The following RASGRF2 variants were observed in gnomAD, a reference collection of about 807,000 sequenced individuals.
The protein encoded by RASGRF2 is Ras protein specific guanine nucleotide releasing factor 2, also known as ras-specific guanine nucleotide-releasing factor 2.
A neutral mutation model predicts 151.0 loss-of-function variants in RASGRF2; 76 were observed. That is an observed-to-expected ratio of 0.50 (90% CI 0.42 to 0.61). The LOEUF is 0.61. Ranked by LOEUF, RASGRF2 falls within the 20% of genes least tolerant of loss-of-function variation. The pLI, the probability that RASGRF2 is intolerant of heterozygous loss-of-function variation, is 0.00. For missense variants in RASGRF2, 1,148 were observed against 1,564.6 expected (o/e 0.73, Z 4.49); for synonymous variants, 504 against 566.5 (o/e 0.89, Z 1.57).
intron 1 of RASGRF2, among the ~76,000 whole-genome samples, chr5:81,008,391 T>C (rs932876077): frequency 6.6e-6 from 1 of 152,164 alleles, no homozygotes; most frequent in Non-Finnish European, 1.5e-5. Flanking sequence ...CCTCCAGTGA[T>C]CCACCTGCTT....
intron 3 of RASGRF2, among the ~76,000 whole-genome samples, chr5:81,069,317 C>T (rs947682330): frequency 1.3e-5 from 2 of 152,182 alleles, no homozygotes; most frequent in Admixed American, 1.3e-4. Flanking sequence ...GTTAACTTCC[C>T]AATTCGACCC....
chr5:81,115,866 G>T (rs1753137022), intron 15 of RASGRF2, among the ~76,000 whole-genome samples: 1 of 152,190 alleles, frequency 6.6e-6, no homozygotes, highest in East Asian at 1.9e-4. Context: ...AACTATATGG[G>T]CAAGTGGTAT....
At chr5:81,083,976 A>G (rs916719708) in intron 7 of RASGRF2, among the ~76,000 whole-genome samples, 1 of 152,212 alleles carries the variant, frequency 6.6e-6, no homozygotes, top group Non-Finnish European at 1.5e-5. Flanking sequence ...CAGCTCTTGA[A>G]GATACAGATG....
rs1753368893 is a variant in RASGRF2 at position 81,123,553 on chromosome 5, G to C, written c.2471-89G>C. 2.1e-6 allele frequency: 3 copies of C among 1,442,820 alleles called. No homozygotes were observed. In the Admixed American group the frequency reaches 6.3e-5, roughly 30 times the overall value. 89.4% of individuals were successfully genotyped at this position (1,442,820 alleles called of 1,614,324 possible). On this transcript the variant is annotated intron_variant, in intron 15 of 26. Transcript: ENST00000265080. ...CCCTTTAATGAAATGCTTATTATCT[G>C]TAATGAACTTTTGTTTCCATGCATG...
chr5:81,001,328 G>T (rs1231387175), intron 1 of RASGRF2, among the ~76,000 whole-genome samples: 1 of 152,198 alleles, frequency 6.6e-6, no homozygotes, highest in African/African-American at 2.4e-5. Flanking sequence ...AGTTGCCTTT[G>T]TTAGGCTTCT....
At position 81,077,259 on chromosome 5, in the gene RASGRF2, C is replaced by G. The variant is rs115030031; in HGVS notation, c.888-2862C>G. 7.9e-5 allele frequency among the ~76,000 whole-genome samples: 12 copies of G among 152,236 alleles called. No individual in the cohort carries two copies. In the Middle Eastern group the frequency reaches 0.01, roughly 129 times the overall value. On this transcript the variant is annotated intron_variant, in intron 5 of 26. Transcript: ENST00000265080. ...GAAGGGATGCAGCTATTGACAATGA[C>G]AAGGTCTAGAGTACAATCAAAGGGG...
chr5:81,002,360 A>T (rs997492052), intron 1 of RASGRF2, among the ~76,000 whole-genome samples: 2 of 152,148 alleles, frequency 1.3e-5, no homozygotes, highest in Non-Finnish European at 2.9e-5. Flanking sequence ...TATTTACTAG[A>T]GTAAGTAGAT....
intron 17 of RASGRF2, among the ~76,000 whole-genome samples, chr5:81,139,428 G>C (rs1301436566): frequency 1.4e-5 from 2 of 140,538 alleles, no homozygotes; most frequent in East Asian, 2.1e-4. Flanking sequence ...TTGAGACAGA[G>C]TCTCGGTGTG....
chr5:81,147,248 A>G (rs1754026534), intron 17 of RASGRF2, among the ~76,000 whole-genome samples: 1 of 152,190 alleles, frequency 6.6e-6, no homozygotes, highest in Admixed American at 6.5e-5. Context: ...GGCTCTTCCA[A>G]TTAGTCAGCT....
chr5:81,168,350 G>A (rs1010430561), intron 17 of RASGRF2, among the ~76,000 whole-genome samples: 7 of 118,668 alleles, frequency 5.9e-5, no homozygotes, highest in South Asian at 5.4e-4. Flanking sequence ...TGGCTCTGTC[G>A]CCCAAGTTAG....
intron 17 of RASGRF2, among the ~76,000 whole-genome samples, chr5:81,178,834 G>C (rs1754843836): frequency 6.6e-6 from 1 of 152,164 alleles, no homozygotes; most frequent in Non-Finnish European, 1.5e-5. Flanking sequence ...CGCCCCCCGG[G>C]TTCACGCCAT....
chr5:81,124,038 C>A (rs988493441), intron 16 of RASGRF2, among the ~76,000 whole-genome samples: 3 of 152,078 alleles, frequency 2.0e-5, no homozygotes, highest in African/African-American at 7.2e-5. Context: ...TTTTTCTTGT[C>A]ATTATTCCCT....
chr5:81,130,323 T>C (rs948596524), intron 17 of RASGRF2, among the ~76,000 whole-genome samples: 6 of 152,162 alleles, frequency 3.9e-5, no homozygotes, highest in Admixed American at 3.9e-4. Flanking sequence ...ATTTCAGAAG[T>C]AGAGGCAATA....
chr5:80,970,700 G>T (rs10214109), intron 1 of RASGRF2, among the ~76,000 whole-genome samples: 1 of 151,974 alleles, frequency 6.6e-6, no homozygotes, highest in African/African-American at 2.4e-5. Flanking sequence ...AAATTTGGGG[G>T]CCAGACAAAA....
intron 15 of RASGRF2, 82 bp from the exon 16 acceptor site, chr5:81,123,560 A>G: frequency 2.0e-6 from 3 of 1,481,684 alleles, no homozygotes. Flanking sequence ...TCTGTAATGA[A>G]CTTTTGTTTC....
At chr5:81,039,037 G>A (rs1237804866) in intron 1 of RASGRF2, among the ~76,000 whole-genome samples, 2 of 151,916 alleles carry the variant, frequency 1.3e-5, no homozygotes, top group African/African-American at 4.8e-5. Flanking sequence ...TGGGCTTTGT[G>A]TCTTGTTTAA....
intron 1 of RASGRF2, among the ~76,000 whole-genome samples, chr5:81,038,108 T>A (rs1006258038): frequency 6.6e-6 from 1 of 152,236 alleles, no homozygotes; most frequent in Non-Finnish European, 1.5e-5. Context: ...CCTTGTAGTA[T>A]TTATCCTTTC....
At chr5:81,136,037 G>A (rs1014189996) in intron 17 of RASGRF2, among the ~76,000 whole-genome samples, 1 of 152,058 alleles carries the variant, frequency 6.6e-6, no homozygotes, top group South Asian at 2.1e-4. Flanking sequence ...TTTTGAGATG[G>A]AGTCTCACTC....
chr5:81,054,737 A>G (rs1461951263), intron 2 of RASGRF2, among the ~76,000 whole-genome samples: 1 of 127,676 alleles, frequency 7.8e-6, no homozygotes, highest in African/African-American at 3.1e-5. Context: ...TTTTCATGAT[A>G]TTGATTCTTC....
Sources: gnomAD v4.1 joint callset for allele counts (sites outside exome capture counted in the v4.1 genomes callset) on GRCh38, gnomAD v4.1.1 for gene constraint, MANE v1.5 for transcripts, NCBI Gene and HGNC (gene_info 2026-07-23, HGNC 2026-07-21) for gene names.